Variants in ST6GALNAC3 observed in about 807,000 individuals in gnomAD.
ST6GALNAC3 encodes the protein ST6 N-acetylgalactosaminide alpha-2,6-sialyltransferase 3, also known as alpha-N-acetylgalactosaminide alpha-2,6-sialyltransferase 3.
In ST6GALNAC3, 25 loss-of-function variants were observed where a neutral mutation model predicts 32.7. The observed-to-expected ratio is 0.76, with a 90% CI of 0.56 to 1.07. The LOEUF is 1.07. ST6GALNAC3 is among the 50% of genes least tolerant of loss of function. ST6GALNAC3 has a pLI of 0.00. For synonymous variants in ST6GALNAC3, 129 were observed against 133.1 expected, an observed-to-expected ratio of 0.97 and a Z score of 0.21; for missense variants, 355 against 382.4, an observed-to-expected ratio of 0.93 and a Z score of 0.60.
chr1:76,411,294 C>T (rs1449439376), intron 2 of ST6GALNAC3, among the ~76,000 whole-genome samples: 3 of 151,994 alleles, frequency 2.0e-5, no homozygotes, highest in African/African-American at 4.8e-5. Context: ...CTATTATCTC[C>T]GTGGTTAAAT....
chr1:76,484,504 C>T (rs532225004), intron 3 of ST6GALNAC3, among the ~76,000 whole-genome samples: 1 of 152,242 alleles, frequency 6.6e-6, no homozygotes, highest in Admixed American at 6.5e-5. Flanking sequence ...GGAGTTCACT[C>T]ATGATTTGGC....
At chr1:76,508,645 A>C (rs1256720206) in intron 3 of ST6GALNAC3, among the ~76,000 whole-genome samples, 1 of 152,108 alleles carries the variant, frequency 6.6e-6, no homozygotes, top group African/African-American at 2.4e-5. Flanking sequence ...AAGGGTAGTC[A>C]GAGAATGCAG....
At chr1:76,493,271 A>G (rs967769051) in intron 3 of ST6GALNAC3, among the ~76,000 whole-genome samples, 1 of 152,206 alleles carries the variant, frequency 6.6e-6, no homozygotes, top group African/African-American at 2.4e-5. Flanking sequence ...TCCAAAAGAC[A>G]TGACTTACAG....
At chr1:76,543,773 C>G (rs902112960) in intron 3 of ST6GALNAC3, among the ~76,000 whole-genome samples, 2 of 152,066 alleles carry the variant, frequency 1.3e-5, no homozygotes, top group African/African-American at 4.8e-5. Flanking sequence ...AGGCTCAAGC[C>G]GATGTATCTT....
At chr1:76,104,935 GA>G (rs1464163384) in intron 1 of ST6GALNAC3, among the ~76,000 whole-genome samples, 3 of 152,046 alleles carry the variant, frequency 2.0e-5, no homozygotes, top group Non-Finnish European at 2.9e-5. Flanking sequence ...AACAACACGG[GA>G]AAGACCTACC....
At chr1:76,315,484 G>A (rs575486940) in intron 2 of ST6GALNAC3, among the ~76,000 whole-genome samples, 1 of 152,156 alleles carries the variant, frequency 6.6e-6, no homozygotes, top group South Asian at 2.1e-4. Flanking sequence ...CTGACCTATG[G>A]ATGCAGTTAT....
chr1:76,599,286 CT>C (rs1367937062), intron 3 of ST6GALNAC3, among the ~76,000 whole-genome samples: 3 of 151,778 alleles, frequency 2.0e-5, no homozygotes, highest in African/African-American at 7.3e-5. Flanking sequence ...GTAGATTAAA[CT>C]TTTTTAATTA....
intron 1 of ST6GALNAC3, among the ~76,000 whole-genome samples, chr1:76,293,897 G>A (rs139743813): frequency 3.9e-5 from 6 of 152,150 alleles, no homozygotes; most frequent in South Asian, 2.1e-4. Flanking sequence ...ACATATGCAC[G>A]TGCTTTATAT....
At chr1:76,308,255 G>T (rs921626954) in intron 1 of ST6GALNAC3, among the ~76,000 whole-genome samples, 10 of 152,146 alleles carry the variant, frequency 6.6e-5, no homozygotes, top group Non-Finnish European at 1.2e-4. Context: ...CACTGAGGCT[G>T]TAACCATCAG....
intron 3 of ST6GALNAC3, among the ~76,000 whole-genome samples, chr1:76,572,335 T>C (rs541746585): frequency 6.6e-6 from 1 of 152,258 alleles, no homozygotes; most frequent in East Asian, 1.9e-4. Flanking sequence ...TTAAGTGCTA[T>C]TAAATGCTCA....
At position 76,418,535 on chromosome 1, in the gene ST6GALNAC3, A is replaced by G. The variant is rs1654804566; in HGVS notation, c.623+6118A>G. On this transcript the variant is annotated intron_variant, in intron 3 of 4. Coordinates refer to ENST00000328299, the MANE Select transcript of ST6GALNAC3 (RefSeq NM_152996.4). ...TCAGGTTATTCCTAACTCAGAATAA[A>G]TACCTGCTAACCCCAGGAAAACTTC... Among the ~76,000 whole-genome samples the G allele has an allele frequency of 2.0e-5, 3 of 152,170 alleles. No individual in the cohort carries two copies. The South Asian group carries it at 6.2e-4, about 31-fold the overall frequency.
Position 76,277,609 on chromosome 1 carries a change from TATAC to T in ST6GALNAC3, c.19-36194_19-36191del, listed in dbSNP as rs1286582280. ...TTATGTGTATATATATATATATATA[TATAC>T]ACACACACACACACACACACACATT... is the stretch of plus-strand genomic sequence containing the variant. On this transcript the variant is annotated intron_variant, in intron 1 of 4. Coordinates refer to ENST00000328299, the MANE Select transcript of ST6GALNAC3 (RefSeq NM_152996.4). 7.8e-4 allele frequency among the ~76,000 whole-genome samples: 35 copies of T among 45,030 alleles called. 1 individual carries two copies. Among genetic ancestry groups the T allele is most frequent in the South Asian group, 1.2e-3 (2 of 1,652 alleles). 29.5% of individuals were successfully genotyped at this position (45,030 alleles called of 152,430 possible).
intron 1 of ST6GALNAC3, among the ~76,000 whole-genome samples, chr1:76,270,507 C>CAAA (rs34410935): frequency 1.1e-4 from 7 of 64,110 alleles, no homozygotes; most frequent in Admixed American, 2.0e-4. Flanking sequence ...AACTCTGTCT[C>CAAA]AAAAAAAAAA....
intron 3 of ST6GALNAC3, chr1:76,577,453 T>A: frequency 3.4e-6 from 1 of 297,294 alleles, no homozygotes; most frequent in Non-Finnish European, 5.0e-6. Context: ...CGCTCAAAAT[T>A]AAAGCATTAA....
At chr1:76,163,787 T>C (rs1337938063) in intron 1 of ST6GALNAC3, among the ~76,000 whole-genome samples, 3 of 152,358 alleles carry the variant, frequency 2.0e-5, no homozygotes, top group Non-Finnish European at 2.9e-5. Flanking sequence ...TTGTCCACAA[T>C]TCATTTACCT....
At chr1:76,546,606 A>C (rs1664312695) in intron 3 of ST6GALNAC3, among the ~76,000 whole-genome samples, 2 of 152,234 alleles carry the variant, frequency 1.3e-5, no homozygotes, top group Non-Finnish European at 2.9e-5. Flanking sequence ...TGAAAAAGGC[A>C]AGGCAGTGAA....
At chr1:76,486,859 C>T (rs1056260134) in intron 3 of ST6GALNAC3, among the ~76,000 whole-genome samples, 15 of 152,252 alleles carry the variant, frequency 9.9e-5, no homozygotes, top group African/African-American at 3.1e-4. Flanking sequence ...TGCAGTGGCT[C>T]GTACCGGTTG....
chr1:76,295,012 TTTC>T (rs1305183572), intron 1 of ST6GALNAC3, among the ~76,000 whole-genome samples: 16 of 152,254 alleles, frequency 1.1e-4, no homozygotes, highest in African/African-American at 3.6e-4. Flanking sequence ...TTGTAATTTG[TTTC>T]TTCTTCTGAG....
intron 3 of ST6GALNAC3, among the ~76,000 whole-genome samples, chr1:76,557,652 A>C (rs1665006752): frequency 6.6e-6 from 1 of 152,122 alleles, no homozygotes; most frequent in South Asian, 2.1e-4. Flanking sequence ...CATAGTTTAT[A>C]AATAGTGATG....
Sources: allele counts gnomAD v4.1 joint callset (sites outside exome capture counted in the v4.1 genomes callset), GRCh38; gene constraint gnomAD v4.1.1; transcripts MANE v1.5; gene names NCBI Gene and HGNC (gene_info 2026-07-23, HGNC 2026-07-21).